The following FBLN1 variants were observed in gnomAD, a reference collection of about 807,000 sequenced individuals.
The protein encoded by FBLN1 is fibulin-1.
FBLN1 carries 34 observed loss-of-function variants against 89.7 expected under a neutral mutation model. The observed-to-expected ratio is 0.38, with a 90% confidence interval of 0.29 to 0.50. The LOEUF is 0.50. FBLN1 is among the 20% of genes least tolerant of loss of function. The pLI is 0.92. For missense variants in FBLN1, 777 were observed against 988.1 expected, an observed-to-expected ratio of 0.79 and a Z score of 2.86; for synonymous variants, 393 against 391.3, an observed-to-expected ratio of 1.00 and a Z score of -0.05.
rs1398776329 is a variant in FBLN1, at chr22:45,562,416, G to T, written c.1697+11801G>T. On this transcript the variant is annotated intron_variant, in intron 14 of 16. Coordinates refer to ENST00000327858, the MANE Select transcript of FBLN1 (RefSeq NM_006486.3). The surrounding 1 kb of genome is among the most constrained non-coding windows in gnomAD (Gnocchi z 7.8). ...AAATATCACCGAAGCCACTGTCATGGGGTGGTGGCAGTGATCACACTAGAG... is the reference window on the plus strand; with the variant it reads ...AAATATCACCGAAGCCACTGTCATGTGGTGGTGGCAGTGATCACACTAGAG... 3.3e-5 allele frequency among the ~76,000 whole-genome samples: 5 copies of T among 152,256 alleles called. No homozygotes were observed. Among genetic ancestry groups the T allele is most frequent in the Non-Finnish European group, 7.3e-5 (5 of 68,048 alleles).
rs1401824772 is a variant in FBLN1, at chr22:45,543,433, C to T, written c.1228C>T (p.Leu410=). 41 of 1,613,632 alleles carry T rather than the reference C, an allele frequency of 2.5e-5. No individual in the cohort carries two copies. The highest frequency in any genetic ancestry group is 3.5e-5 in the Non-Finnish European group (41 of 1,180,020). ...VNECQRYPGR[L]CGHKCENTLG... ...CGAGTGCCAGCGCTACCCCGGGCGC[C>T]TGTGTGGCCACAAGTGCGAGAACAC... The change falls in exon 11 of 17, where the codon CTG becomes TTG. Residue 410 remains leucine, a synonymous_variant. Coordinates refer to ENST00000327858, the MANE Select transcript of FBLN1 (RefSeq NM_006486.3).
chr22:45,589,941 G>A (rs565151658), intron 16 of FBLN1, among the ~76,000 whole-genome samples: 1 of 152,196 alleles, frequency 6.6e-6, no homozygotes, highest in African/African-American at 2.4e-5. Flanking sequence ...TTCCCGGTTT[G>A]GGGTGTGTAT....
At chr22:45,539,088 C>A in intron 8 of FBLN1, among the ~76,000 whole-genome samples, 1 of 136,454 alleles carries the variant, frequency 7.3e-6, no homozygotes, top group African/African-American at 2.8e-5. Flanking sequence ...CTTCCCCCTC[C>A]CATCCTCCCC....
intron 16 of FBLN1, among the ~76,000 whole-genome samples, chr22:45,589,432 A>C (rs2089116915): frequency 6.6e-6 from 1 of 152,088 alleles, no homozygotes; most frequent in African/African-American, 2.4e-5. Context: ...GTGTATCGTA[A>C]ATGTTCAGTC....
intron 10 of FBLN1, among the ~76,000 whole-genome samples, chr22:45,542,704 C>T (rs10427785): frequency 0.36 from 54,176 of 152,044 alleles, 10,379 homozygotes; most frequent in Middle Eastern, 0.51. Context: ...AGGTCTTGTC[C>T]AGCCAGTGCC....
rs201005383 is a variant in FBLN1 at position 45,543,440 on chromosome 22, G to T, written c.1235G>T (p.Gly412Val). 1.9e-6 allele frequency: 3 copies of T among 1,613,708 alleles called. No individual in the cohort carries two copies. The highest frequency in any genetic ancestry group is 2.5e-6 in the Non-Finnish European group (3 of 1,179,996). Residue 412 changes from glycine to valine, a missense_variant, in exon 11 of 17, where the codon GGC becomes GTC. Physicochemically the swap from Gly to Val is moderately radical, Grantham distance 109 (BLOSUM62 -3). Transcript: ENST00000327858. ...ECQRYPGRLC[G>V]HKCENTLGSY... is the part of the protein sequence containing the mutation. ...CAGCGCTACCCCGGGCGCCTGTGTGGCCACAAGTGCGAGAACACGCTGGGC... is the reference window on the plus strand; with the variant it reads ...CAGCGCTACCCCGGGCGCCTGTGTGTCCACAAGTGCGAGAACACGCTGGGC...
intron 11 of FBLN1, among the ~76,000 whole-genome samples, chr22:45,544,422 A>C (rs2088600024): frequency 6.6e-6 from 1 of 151,758 alleles, no homozygotes; most frequent in Non-Finnish European, 1.5e-5. Context: ...GGCTTTCCCC[A>C]CCCGCAGAGA....
chr22:45,512,619 A>G (rs2088116062), intron 1 of FBLN1, among the ~76,000 whole-genome samples: 3 of 152,186 alleles, frequency 2.0e-5, no homozygotes, highest in African/African-American at 7.2e-5. Flanking sequence ...ATCCCCAGGC[A>G]AATGAGCAGC....
chr22:45,527,119 A>G (rs2088339768), intron 3 of FBLN1, among the ~76,000 whole-genome samples: 1 of 152,222 alleles, frequency 6.6e-6, no homozygotes, highest in South Asian at 2.1e-4. Context: ...AGGCAAAGCT[A>G]CACCTCCTGG....
At chr22:45,538,064 G>A (rs1363836448) in intron 8 of FBLN1, among the ~76,000 whole-genome samples, 2 of 152,212 alleles carry the variant, frequency 1.3e-5, no homozygotes, top group African/African-American at 2.4e-5. Context: ...GCTGAGGCTC[G>A]GGAGCCGTCC....
intron 14 of FBLN1, among the ~76,000 whole-genome samples, chr22:45,567,064 G>T (rs1192292468): frequency 6.6e-6 from 1 of 152,250 alleles, no homozygotes; most frequent in East Asian, 1.9e-4. Context: ...CTTGCCCAAA[G>T]TTCCACAGCT....
At chr22:45,595,929 G>A (rs1218500884) in intron 16 of FBLN1, among the ~76,000 whole-genome samples, 1 of 152,240 alleles carries the variant, frequency 6.6e-6, no homozygotes, top group Non-Finnish European at 1.5e-5. Flanking sequence ...GAGTGCAATG[G>A]CGCGATCTCA....
chr22:45,565,081 C>A, intron 14 of FBLN1: 1 of 1,598,002 alleles, frequency 6.3e-7, no homozygotes, highest in Non-Finnish European at 8.5e-7. Flanking sequence ...CCCTTTTCCC[C>A]ACGGCCCTTG....
intron 8 of FBLN1, among the ~76,000 whole-genome samples, chr22:45,540,926 G>A (rs1200851333): frequency 6.6e-6 from 1 of 152,248 alleles, no homozygotes; most frequent in African/African-American, 2.4e-5. Context: ...CCCAGTGTGT[G>A]GAGTAGATGA....
At chr22:45,595,924 C>T (rs2089180960) in intron 16 of FBLN1, among the ~76,000 whole-genome samples, 1 of 152,250 alleles carries the variant, frequency 6.6e-6, no homozygotes. Flanking sequence ...GGCTAGAGTG[C>T]AATGGCGCGA....
chr22:45,538,989 G>A (rs1313496712), intron 8 of FBLN1, among the ~76,000 whole-genome samples: 1 of 152,096 alleles, frequency 6.6e-6, no homozygotes, highest in Non-Finnish European at 1.5e-5. Flanking sequence ...AGGGCTTTGA[G>A]ACCAGCATGG....
chr22:45,584,220 G>A (rs59766416), intron 16 of FBLN1, among the ~76,000 whole-genome samples: 1 of 152,304 alleles, frequency 6.6e-6, no homozygotes, highest in East Asian at 1.9e-4. Context: ...GCTTTTCCAT[G>A]AAAGTGAACT....
chr22:45,574,470 C>G lies in FBLN1; in HGVS notation c.1698-41C>G. On this transcript the variant is annotated intron_variant, in intron 14 of 16. Coordinates refer to ENST00000327858, the MANE Select transcript of FBLN1 (RefSeq NM_006486.3). This position sits in a 1 kb window ranked among gnomAD's most constrained non-coding sequence, Gnocchi z 4.1. The stretch of plus-strand genomic sequence containing the variant: ...CTCGGCCCCTGTGGGAGCTGCTGTC[C>G]CAGCTTCCCCGTCAGCCTCGTGTGC... The G allele has an allele frequency of 6.2e-7, 1 of 1,613,276 alleles. No individual in the cohort carries two copies. The highest frequency in any genetic ancestry group is 2.2e-5 in the East Asian group (1 of 44,872).
rs936862327 is a variant in FBLN1, at chr22:45,579,235, G to T, written c.1972+2127G>T. 2.6e-5 allele frequency among the ~76,000 whole-genome samples: 4 copies of T among 152,236 alleles called. No homozygotes were observed. The highest frequency in any genetic ancestry group is 9.6e-5 in the African/African-American group (4 of 41,468). On this transcript the variant is annotated intron_variant, in intron 16 of 16. Coordinates refer to ENST00000327858, the MANE Select transcript of FBLN1 (RefSeq NM_006486.3). This position sits in a 1 kb window ranked among gnomAD's most constrained non-coding sequence, Gnocchi z 5.5. ...CCATCCACTGGGGCAGAAAATCCTG[G>T]CATGTCAGAGCCTGGAGGCTCCTAG...
Sources: allele counts gnomAD v4.1 joint callset (sites outside exome capture counted in the v4.1 genomes callset), GRCh38; gene constraint gnomAD v4.1.1; non-coding constraint Gnocchi (gnomAD v3.1); transcripts MANE v1.5; gene names NCBI Gene and HGNC (gene_info 2026-07-23, HGNC 2026-07-21).